The following SSH2 variants were observed in gnomAD, a reference collection of about 807,000 sequenced individuals.
The protein encoded by SSH2 is protein phosphatase Slingshot homolog 2.
A neutral mutation model predicts 135.2 loss-of-function variants in SSH2; 37 were observed. The observed-to-expected ratio is 0.27, with a 90% confidence interval of 0.21 to 0.36. The LOEUF is 0.36. Among genes scored for constraint, SSH2 ranks in the 10% least tolerant of loss-of-function variants. The probability of loss-of-function intolerance (pLI) is 1.00; values close to 1 mark genes in which losing one functional copy is unlikely to be tolerated. For missense variants in SSH2, 1,408 were observed against 1,765.3 expected (o/e 0.80, Z 3.63); for synonymous variants, 628 against 646.2 (o/e 0.97, Z 0.43).
At chr17:29,744,029 T>C (rs865983218) in intron 3 of SSH2, among the ~76,000 whole-genome samples, 8 of 148,750 alleles carry the variant, frequency 5.4e-5, no homozygotes, top group East Asian at 2.0e-4. Flanking sequence ...GTTGATAAAA[T>C]AGTCTCTGTG....
rs374625258 is a variant in SSH2 at position 29,825,075 on chromosome 17, ACCTTAAATTTATC to A, written c.144+23761_144+23773del. Among the ~76,000 whole-genome samples, 1,003 of 152,284 alleles carry A rather than the reference ACCTTAAATTTATC, an allele frequency of 6.6e-3. 6 individuals carry two copies. Among genetic ancestry groups the A allele is most frequent in the African/African-American group, 0.023 (960 of 41,560 alleles). On this transcript the variant is annotated intron_variant, in intron 2 of 15. Transcript: ENST00000540801. ...AATTTGATGCCCTGAATCCAGTCAT[ACCTTAAATTTATC>A]CCTTACACTTCCCAGTTACATGAAC...
At chr17:29,761,189 G>T (rs1339000058) in intron 3 of SSH2, 1 of 1,289,760 alleles carries the variant, frequency 7.8e-7, no homozygotes, top group South Asian at 1.2e-5. Context: ...CGCGTTGGCG[G>T]AGAAGTAAGG....
intron 1 of SSH2, among the ~76,000 whole-genome samples, chr17:29,854,408 C>T (rs1309312046): frequency 6.6e-6 from 1 of 151,678 alleles, no homozygotes; most frequent in Non-Finnish European, 1.5e-5. Context: ...GGAAACATGT[C>T]CCTTTAGCTA....
chr17:29,667,257 G>C, intron 9 of SSH2, 34 bp from the exon 10 acceptor site: 1 of 1,310,720 alleles, frequency 7.6e-7, no homozygotes, highest in South Asian at 1.3e-5. Context: ...ATTCTTAAAC[G>C]ATATTCTTAA....
chr17:29,719,248 T>C (rs2039734643), intron 3 of SSH2, among the ~76,000 whole-genome samples: 1 of 152,158 alleles, frequency 6.6e-6, no homozygotes, highest in Non-Finnish European at 1.5e-5. Context: ...TTGTAGAAAC[T>C]CAGAATCTGT....
intron 2 of SSH2, among the ~76,000 whole-genome samples, chr17:29,819,392 G>A (rs1488543555): frequency 6.6e-6 from 1 of 151,814 alleles, no homozygotes; most frequent in East Asian, 1.9e-4. Flanking sequence ...GAATAACCAA[G>A]GCTACTAAGC....
At chr17:29,834,743 T>C (rs544001199) in intron 2 of SSH2, among the ~76,000 whole-genome samples, 1 of 152,138 alleles carries the variant, frequency 6.6e-6, no homozygotes, top group Non-Finnish European at 1.5e-5. Flanking sequence ...TCCATCTATA[T>C]TTTGTCACAG....
intron 14 of SSH2, among the ~76,000 whole-genome samples, chr17:29,638,143 T>C (rs2035993107): frequency 6.6e-6 from 1 of 151,794 alleles, no homozygotes; most frequent in South Asian, 2.1e-4. Context: ...CAAAAAAAGA[T>C]ATTTACTATG....
chr17:29,845,377 A>G (rs2043114767), intron 2 of SSH2, among the ~76,000 whole-genome samples: 1 of 152,142 alleles, frequency 6.6e-6, no homozygotes, highest in African/African-American at 2.4e-5. Flanking sequence ...GGGGGTGGGA[A>G]CAGGGAAGTG....
chr17:29,812,214 T>G (rs1368269488), intron 2 of SSH2, among the ~76,000 whole-genome samples: 4 of 151,750 alleles, frequency 2.6e-5, no homozygotes, highest in African/African-American at 7.3e-5. Flanking sequence ...TACCATACAA[T>G]TCACCTATTA....
At chr17:29,798,767 G>A (rs964612225) in intron 2 of SSH2, among the ~76,000 whole-genome samples, 3 of 152,082 alleles carry the variant, frequency 2.0e-5, no homozygotes, top group South Asian at 2.1e-4. Flanking sequence ...TGTTTAGTAC[G>A]TTAACATTTA....
chr17:29,661,021 A>G (rs2037009826), intron 11 of SSH2, among the ~76,000 whole-genome samples: 1 of 146,338 alleles, frequency 6.8e-6, no homozygotes, highest in Non-Finnish European at 1.5e-5. Flanking sequence ...AGATAGCACC[A>G]TTGCACTCCA....
intron 2 of SSH2, among the ~76,000 whole-genome samples, chr17:29,804,773 G>C (rs2042309870): frequency 6.7e-6 from 1 of 149,886 alleles, no homozygotes; most frequent in Non-Finnish European, 1.5e-5. Context: ...CTGGGTTCAA[G>C]TGTTCTCTCG....
intron 8 of SSH2, among the ~76,000 whole-genome samples, chr17:29,675,429 G>C (rs2037666316): frequency 6.6e-6 from 1 of 152,194 alleles, no homozygotes; most frequent in South Asian, 2.1e-4. Context: ...TCCCTGACTG[G>C]GGAATGGATT....
At chr17:29,651,325 C>G (rs1000586593) in intron 12 of SSH2, among the ~76,000 whole-genome samples, 1 of 152,188 alleles carries the variant, frequency 6.6e-6, no homozygotes, top group African/African-American at 2.4e-5. Context: ...TCTCTCTAAA[C>G]TACATGAAAG....
intron 3 of SSH2, among the ~76,000 whole-genome samples, chr17:29,747,074 G>T (rs2040786516): frequency 6.6e-6 from 1 of 152,116 alleles, no homozygotes; most frequent in African/African-American, 2.4e-5. Flanking sequence ...AAGTACAGAT[G>T]ATAAAAGTAA....
chr17:29,743,907 CTTTTTT>C (rs59540894), intron 3 of SSH2, among the ~76,000 whole-genome samples: 76 of 99,862 alleles, frequency 7.6e-4, no homozygotes, highest in East Asian at 3.7e-3. Flanking sequence ...TTCTTTTTTC[CTTTTTT>C]TTTTTTTTTT....
chr17:29,810,280 C>T (rs997652427), intron 2 of SSH2, among the ~76,000 whole-genome samples: 3 of 152,126 alleles, frequency 2.0e-5, no homozygotes. Flanking sequence ...CATACGCAAC[C>T]ATTTTAGAGA....
rs568325222 is a variant in SSH2 at position 29,711,959 on chromosome 17, G to GACAC, written c.189-8901_189-8898dup. ...GCCAAAGTTAAGAATGTATGCCTGTGACACAGCCTGAGGAGGTCCTGACGA... is the reference window on the plus strand; with the variant it reads ...GCCAAAGTTAAGAATGTATGCCTGTGACACACACAGCCTGAGGAGGTCCTGACGA... On this transcript the variant is annotated intron_variant, in intron 3 of 15. Transcript: ENST00000540801. Among the ~76,000 whole-genome samples, 334 of 152,324 alleles carry GACAC rather than the reference G, an allele frequency of 2.2e-3. 1 individual carries two copies. The highest frequency in any genetic ancestry group is 7.9e-3 in the African/African-American group (329 of 41,572).
Sources: allele counts gnomAD v4.1 joint callset (sites outside exome capture counted in the v4.1 genomes callset), GRCh38; gene constraint gnomAD v4.1.1; transcripts MANE v1.5; gene names NCBI Gene and HGNC (gene_info 2026-07-23, HGNC 2026-07-21).